The following ROBO1 variants were observed in gnomAD, a reference collection of about 807,000 sequenced individuals.
The protein encoded by ROBO1 is roundabout guidance receptor 1.
Under a neutral mutation model 195.9 loss-of-function variants are expected in ROBO1, and 149 were observed. The ratio of observed to expected loss-of-function variants is 0.76; its 90% CI spans 0.67 to 0.87. ROBO1 has a LOEUF of 0.87. Among genes scored for constraint, ROBO1 ranks in the 40% least tolerant of loss-of-function variants. The pLI is 0.00. For missense variants in ROBO1, 1,933 were observed against 2,068.3 expected (o/e 0.93, Z 1.27); for synonymous variants, 816 against 733.2 (o/e 1.11, Z -1.82).
intron 1 of ROBO1, among the ~76,000 whole-genome samples, chr3:79,760,212 G>A (rs1704613468): frequency 1.7e-5 from 2 of 115,426 alleles, no homozygotes; most frequent in South Asian, 6.0e-4. Flanking sequence ...ACTCCAGCCT[G>A]GGTGAGACAG....
chr3:79,284,144 T>A (rs181636705), intron 2 of ROBO1, among the ~76,000 whole-genome samples: 1 of 152,122 alleles, frequency 6.6e-6, no homozygotes, highest in African/African-American at 2.4e-5. Context: ...ATGTTTCTCT[T>A]TCTCTTACCC....
At chr3:79,223,951 T>TA (rs1354316126) in intron 2 of ROBO1, among the ~76,000 whole-genome samples, 7 of 152,184 alleles carry the variant, frequency 4.6e-5, no homozygotes, top group African/African-American at 1.7e-4. Flanking sequence ...TGGGAAAACT[T>TA]AAACAAATAT....
intron 3 of ROBO1, among the ~76,000 whole-genome samples, chr3:78,960,129 G>A (rs2041261652): frequency 2.6e-5 from 4 of 151,962 alleles, no homozygotes. Flanking sequence ...TCACACCCGT[G>A]ATTAGCCCCT....
At chr3:78,805,044 G>A (rs2084493848) in intron 4 of ROBO1, among the ~76,000 whole-genome samples, 1 of 152,006 alleles carries the variant, frequency 6.6e-6, no homozygotes, top group African/African-American at 2.4e-5. Flanking sequence ...CCCTTTCCAA[G>A]TAACTATTGA....
chr3:79,407,718 T>C (rs767086711), intron 2 of ROBO1, among the ~76,000 whole-genome samples: 37 of 152,144 alleles, frequency 2.4e-4, no homozygotes, highest in Non-Finnish European at 4.9e-4. Context: ...ATTTCTTAAA[T>C]ATTTTATAAA....
At chr3:79,218,368 T>C (rs1559743006) in intron 2 of ROBO1, among the ~76,000 whole-genome samples, 1 of 151,984 alleles carries the variant, frequency 6.6e-6, no homozygotes, top group African/African-American at 2.4e-5. Context: ...CATCACTTCC[T>C]ATTTTCTTAT....
chr3:79,250,406 A>G (rs919294433), intron 2 of ROBO1, among the ~76,000 whole-genome samples: 2 of 152,218 alleles, frequency 1.3e-5, no homozygotes, highest in African/African-American at 4.8e-5. Context: ...TATTTCAAAA[A>G]TATGACTGAG....
At chr3:79,149,546 T>G (rs73848843) in intron 2 of ROBO1, among the ~76,000 whole-genome samples, 2,993 of 130,880 alleles carry the variant, frequency 0.023, 86 homozygotes, top group African/African-American at 0.082. Context: ...TGTTGTTGTT[T>G]TTGTCTTTCA....
chr3:79,522,067 G>T (rs1176155708), intron 2 of ROBO1, among the ~76,000 whole-genome samples: 2 of 152,178 alleles, frequency 1.3e-5, no homozygotes, highest in African/African-American at 4.8e-5. Flanking sequence ...CAACAAAACA[G>T]ATTCAGTATG....
intron 2 of ROBO1, among the ~76,000 whole-genome samples, chr3:79,272,166 A>G (rs2108974700): frequency 6.6e-6 from 1 of 152,266 alleles, no homozygotes; most frequent in South Asian, 2.1e-4. Flanking sequence ...AAAGGAGGAT[A>G]TAAGTATTGA....
chr3:79,537,109 T>A (rs1190138595), intron 2 of ROBO1, among the ~76,000 whole-genome samples: 1 of 132,632 alleles, frequency 7.5e-6, no homozygotes, highest in African/African-American at 3.8e-5. Flanking sequence ...TTTTTCCTTT[T>A]TTTATTTTTT....
chr3:79,249,164 A>C (rs1222474012), intron 2 of ROBO1, among the ~76,000 whole-genome samples: 1 of 152,202 alleles, frequency 6.6e-6, no homozygotes. Context: ...TTTCAAAGTA[A>C]GAAGTAGTCA....
intron 2 of ROBO1, among the ~76,000 whole-genome samples, chr3:79,161,973 T>C (rs1454331839): frequency 1.3e-5 from 2 of 152,168 alleles, no homozygotes; most frequent in African/African-American, 4.8e-5. Flanking sequence ...TTCCAATCAG[T>C]CACCATGGAG....
At position 79,574,709 on chromosome 3, in the gene ROBO1, T is replaced by C. The variant is rs117274157; in HGVS notation, c.88+15115A>G. ...TTGATATTTGTGGATCTGTGACTTT[T>C]ACATCAAGTTAGTACACTCAGGTTT... On this transcript the variant is annotated intron_variant, in intron 2 of 30. Coordinates refer to ENST00000464233, the MANE Select transcript of ROBO1 (RefSeq NM_002941.4). Among the ~76,000 whole-genome samples, 12 of 152,064 alleles carry C rather than the reference T, an allele frequency of 7.9e-5. No individual in the cohort carries two copies. In the East Asian group the frequency reaches 1.9e-3, roughly 24 times the overall value.
chr3:78,669,688 TG>T (rs1036907094), intron 11 of ROBO1, among the ~76,000 whole-genome samples: 4 of 152,182 alleles, frequency 2.6e-5, no homozygotes, highest in Non-Finnish European at 5.9e-5. Flanking sequence ...CATTGCAAAA[TG>T]CTGAAACAAA....
At chr3:79,472,252 A>C (rs1938319236) in intron 2 of ROBO1, among the ~76,000 whole-genome samples, 1 of 152,050 alleles carries the variant, frequency 6.6e-6, no homozygotes. Context: ...ATTTCCCACA[A>C]TCCTGCCCAA....
chr3:79,244,494 G>T (rs1220589612), intron 2 of ROBO1, among the ~76,000 whole-genome samples: 1 of 152,084 alleles, frequency 6.6e-6, no homozygotes, highest in African/African-American at 2.4e-5. Flanking sequence ...CACTCAGGAA[G>T]TTTATTGCAA....
intron 4 of ROBO1, among the ~76,000 whole-genome samples, chr3:78,848,377 T>A (rs2033807721): frequency 6.6e-6 from 1 of 152,184 alleles, no homozygotes; most frequent in South Asian, 2.1e-4. Flanking sequence ...TTCAACTAAA[T>A]TTGTTCTAGA....
At chr3:78,972,339 T>C (rs567448427) in intron 3 of ROBO1, among the ~76,000 whole-genome samples, 139 of 152,326 alleles carry the variant, frequency 9.1e-4, no homozygotes, top group Middle Eastern at 3.4e-3. Flanking sequence ...CAACGCTACA[T>C]AGTATAATCA....
Sources: allele counts gnomAD v4.1 joint callset (sites outside exome capture counted in the v4.1 genomes callset), GRCh38; gene constraint gnomAD v4.1.1; transcripts MANE v1.5; gene names NCBI Gene and HGNC (gene_info 2026-07-23, HGNC 2026-07-21).